Variants in INSYN2A observed in about 807,000 individuals in gnomAD.
INSYN2A encodes the protein inhibitory synaptic factor 2A.
In INSYN2A, 17 loss-of-function variants were observed where a neutral mutation model predicts 39.4. That is an observed-to-expected ratio of 0.43 (90% confidence interval 0.30 to 0.65). The LOEUF (loss-of-function observed/expected upper bound fraction) is 0.65, where lower values mean the gene tolerates loss of function less well. INSYN2A is among the 30% of genes least tolerant of loss of function. The probability of loss-of-function intolerance (pLI) is 0.14; values close to 1 mark genes in which losing one functional copy is unlikely to be tolerated. For synonymous variants in INSYN2A, 255 were observed against 265.7 expected (o/e 0.96, Z 0.39); for missense variants, 595 against 631.2 (o/e 0.94, Z 0.61).
intron 5 of INSYN2A, 74 bp downstream of exon 5, chr10:127,153,778 C>A: frequency 8.6e-7 from 1 of 1,165,506 alleles, no homozygotes; most frequent in African/African-American, 1.5e-5. Flanking sequence ...GGCCCCAGAT[C>A]GTTCTTGCAT....
intron 4 of INSYN2A, among the ~76,000 whole-genome samples, chr10:127,169,407 T>C (rs2054361562): frequency 6.6e-6 from 1 of 152,262 alleles, no homozygotes; most frequent in South Asian, 2.1e-4. Context: ...GAATGAATGA[T>C]AGGCCGGTGT....
chr10:127,161,206 A>C (rs540664201), intron 4 of INSYN2A, among the ~76,000 whole-genome samples: 1 of 152,338 alleles, frequency 6.6e-6, no homozygotes, highest in African/African-American at 2.4e-5. Flanking sequence ...CCATATACTC[A>C]TGGAAACGCA....
In INSYN2A at chr10:127,149,322, G is replaced by A. The variant is rs147692733; in HGVS notation, c.1256+4530C>T. ...GGTACGCGGCAGGCTCTCACGGGCTGATGTTTCTCACCTTTCGCTTGTCGT... is the reference window on the plus strand; with the variant it reads ...GGTACGCGGCAGGCTCTCACGGGCTAATGTTTCTCACCTTTCGCTTGTCGT... On this transcript the variant is annotated intron_variant, in intron 5 of 5. Transcript: ENST00000522781. Among the ~76,000 whole-genome samples the A allele has an allele frequency of 9.9e-5, 15 of 152,268 alleles. No individual in the cohort carries two copies. In the South Asian group the frequency reaches 1.5e-3, roughly 15 times the overall value.
chr10:127,154,033 A>G (rs2052776304), intron 4 of INSYN2A, 110 bp from the exon 5 acceptor site: 3 of 749,000 alleles, frequency 4.0e-6, no homozygotes, highest in South Asian at 1.6e-5. Context: ...CATCATGGTC[A>G]TGGAAATTGA....
intron 2 of INSYN2A, among the ~76,000 whole-genome samples, chr10:127,185,254 C>T (rs1396005180): frequency 6.6e-6 from 1 of 152,158 alleles, no homozygotes; most frequent in Non-Finnish European, 1.5e-5. Flanking sequence ...ACTGGCCAGG[C>T]ACGGTGGCTC....
intron 4 of INSYN2A, among the ~76,000 whole-genome samples, chr10:127,174,143 A>G (rs2054843063): frequency 6.6e-6 from 1 of 152,226 alleles, no homozygotes; most frequent in Non-Finnish European, 1.5e-5. Context: ...TGTCCTGGAA[A>G]TACATTACTT....
chr10:127,154,761 TA>T (rs2133541056), intron 4 of INSYN2A, among the ~76,000 whole-genome samples: 1 of 152,306 alleles, frequency 6.6e-6, no homozygotes, highest in Non-Finnish European at 1.5e-5. Flanking sequence ...TTCTCCCCCC[TA>T]ATTAAAAAAT....
At position 127,176,710 on chromosome 10, in the gene INSYN2A, G is replaced by A. The variant is rs925285215; in HGVS notation, c.-6+167C>T. 6.6e-6 allele frequency among the ~76,000 whole-genome samples: 1 copy of A among 152,204 alleles called. No homozygotes were observed. The highest frequency in any genetic ancestry group is 2.4e-5 in the African/African-American group (1 of 41,458). On this transcript the variant is annotated intron_variant, in intron 3 of 5. Coordinates refer to ENST00000522781, the MANE Select transcript of INSYN2A (RefSeq NM_001039762.3). This position sits in a 1 kb window ranked among gnomAD's most constrained non-coding sequence, Gnocchi z 4.4. ...TACATTCATCAAGAAACCCAATGAT[G>A]CTGCCTCTTCTGCTTTGCAAATTAT... is the stretch of plus-strand genomic sequence containing the variant.
At chr10:127,187,779 AAAGCAAGC>A (rs142757297) in intron 2 of INSYN2A, among the ~76,000 whole-genome samples, 3 of 151,726 alleles carry the variant, frequency 2.0e-5, no homozygotes, top group Non-Finnish European at 2.9e-5. Flanking sequence ...AAGAGAGAGA[AAAGCAAGC>A]AAGCAAGCAA....
chr10:127,154,056 TCCCAG>T (rs2052779822), intron 4 of INSYN2A, 133 bp from the exon 5 acceptor site: 1 of 658,142 alleles, frequency 1.5e-6, no homozygotes, highest in Non-Finnish European at 2.7e-6. Flanking sequence ...AATGCATGCT[TCCCAG>T]TTTGCTCCTG....
At chr10:127,143,538 G>A (rs2051477881) in intron 5 of INSYN2A, among the ~76,000 whole-genome samples, 2 of 152,204 alleles carry the variant, frequency 1.3e-5, no homozygotes, top group Non-Finnish European at 2.9e-5. Flanking sequence ...GGGCCCAGGA[G>A]GGCAGGTGCA....
intron 1 of INSYN2A, among the ~76,000 whole-genome samples, chr10:127,193,203 G>A (rs2056872338): frequency 6.6e-6 from 1 of 152,120 alleles, no homozygotes; most frequent in African/African-American, 2.4e-5. Flanking sequence ...TGGTGGGGAG[G>A]GGTTGTGGTG....
At chr10:127,155,313 T>A (rs929566092) in intron 4 of INSYN2A, among the ~76,000 whole-genome samples, 2 of 152,248 alleles carry the variant, frequency 1.3e-5, no homozygotes, top group Non-Finnish European at 2.9e-5. Context: ...ATTGTCTCAG[T>A]GGGCTTGCAA....
rs11016577 is a variant in INSYN2A at position 127,168,046 on chromosome 10, G to A, written c.1184+7166C>T. The stretch of plus-strand genomic sequence containing the variant: ...TCTCCAAGAGAAGCCCAAGAGGCAG[G>A]TATTCTCAGCTGTTTGTTACAGAGA... On this transcript the variant is annotated intron_variant, in intron 4 of 5. Coordinates refer to ENST00000522781, the MANE Select transcript of INSYN2A (RefSeq NM_001039762.3). Among the ~76,000 whole-genome samples the A allele has an allele frequency of 7.0e-4, 106 of 152,294 alleles. No homozygotes were observed. The East Asian group carries it at 0.015, about 21-fold the overall frequency.
rs1007997134 is a variant in INSYN2A, at chr10:127,176,057, C to T, written c.339G>A (p.Lys113=). ...GGTCCAGAGGGAACGTCTGGTAACACTTCTTAAGGTCGGGCGAGGTCTGCA... is the reference window on the plus strand; with the variant it reads ...GGTCCAGAGGGAACGTCTGGTAACATTTCTTAAGGTCGGGCGAGGTCTGCA... The part of the protein sequence containing the change: ...TGVQTSPDLK[K]CYQTFPLDRK... The change falls in exon 4 of 6, where the codon AAG becomes AAA. Residue 113 remains lysine, a synonymous_variant. Coordinates refer to ENST00000522781, the MANE Select transcript of INSYN2A (RefSeq NM_001039762.3). This position sits in a 1 kb window ranked among gnomAD's most constrained non-coding sequence, Gnocchi z 4.4. The T allele has an allele frequency of 3.1e-6, 5 of 1,614,102 alleles. No homozygotes were observed. The South Asian group carries it at 4.4e-5, about 14-fold the overall frequency.
chr10:127,166,184 G>GC (rs1426331887), intron 4 of INSYN2A, among the ~76,000 whole-genome samples: 3 of 152,190 alleles, frequency 2.0e-5, no homozygotes, highest in Non-Finnish European at 2.9e-5. Context: ...TCCTGCCTCA[G>GC]CCCCCCAAGT....
At chr10:127,146,073 G>A (rs756898181) in intron 5 of INSYN2A, 10 of 514,398 alleles carry the variant, frequency 1.9e-5, no homozygotes, top group South Asian at 8.5e-5. Flanking sequence ...ACTGCGTCCC[G>A]TATTTACCCC....
intron 5 of INSYN2A, among the ~76,000 whole-genome samples, chr10:127,141,820 G>C (rs2051287378): frequency 6.6e-6 from 1 of 152,188 alleles, no homozygotes; most frequent in South Asian, 2.1e-4. Context: ...ATAGGGCTCT[G>C]CCTGGAGGCA....
chr10:127,145,679 C>T (rs376749054), intron 5 of INSYN2A, among the ~76,000 whole-genome samples: 10 of 152,178 alleles, frequency 6.6e-5, no homozygotes, highest in African/African-American at 2.4e-4. Context: ...GGTGACGTCC[C>T]GGGCTCCCAG....
Sources: allele counts gnomAD v4.1 joint callset (sites outside exome capture counted in the v4.1 genomes callset), GRCh38; gene constraint gnomAD v4.1.1; non-coding constraint Gnocchi (gnomAD v3.1); transcripts MANE v1.5; gene names NCBI Gene and HGNC (gene_info 2026-07-23, HGNC 2026-07-21).